Variants in ERICH1 observed in about 807,000 individuals in gnomAD.
ERICH1 encodes the protein glutamate-rich protein 1.
In ERICH1, 56 loss-of-function variants were observed where a neutral mutation model predicts 39.6. The observed-to-expected ratio is 1.41, with a 90% CI of 1.14 to 1.77. The LOEUF (loss-of-function observed/expected upper bound fraction) is 1.77. Ranked by LOEUF, ERICH1 falls within the 40% of genes most tolerant of loss-of-function variation. ERICH1 has a pLI of 0.00. For missense variants in ERICH1, 826 were observed against 575.4 expected (o/e 1.44, Z -4.45); for synonymous variants, 313 against 223.6 (o/e 1.40, Z -3.57).
At chr8:721,810 T>G (rs1211718912) in intron 1 of ERICH1, among the ~76,000 whole-genome samples, 1 of 152,230 alleles carries the variant, frequency 6.6e-6, no homozygotes, top group Non-Finnish European at 1.5e-5. Flanking sequence ...GCATTTGTCA[T>G]TTTTGGTTTG....
intron 3 of ERICH1, among the ~76,000 whole-genome samples, chr8:676,840 G>GC (rs1804959473): frequency 6.6e-6 from 1 of 152,230 alleles, no homozygotes; most frequent in South Asian, 2.1e-4. Context: ...AGCGCCTGTT[G>GC]GAGTTTTCTG....
intron 2 of ERICH1, among the ~76,000 whole-genome samples, chr8:710,142 T>C (rs1217190766): frequency 1.3e-5 from 2 of 152,176 alleles, no homozygotes; most frequent in Non-Finnish European, 1.5e-5. Context: ...GCCACCCCGG[T>C]CTGCAGTTTA....
intron 2 of ERICH1, among the ~76,000 whole-genome samples, chr8:700,710 A>C (rs1585464886): frequency 1.4e-5 from 1 of 70,972 alleles, no homozygotes; most frequent in East Asian, 2.5e-4. Context: ...AAAGGTGCTC[A>C]GCGGTGGGAG....
At chr8:710,139 C>T (rs774977705) in intron 2 of ERICH1, among the ~76,000 whole-genome samples, 1 of 152,200 alleles carries the variant, frequency 6.6e-6, no homozygotes, top group South Asian at 2.1e-4. Context: ...GTTGCCACCC[C>T]GGTCTGCAGT....
At chr8:653,594 T>C (rs1487948661) in intron 3 of ERICH1, among the ~76,000 whole-genome samples, 1 of 152,254 alleles carries the variant, frequency 6.6e-6, no homozygotes, top group African/African-American at 2.4e-5. Context: ...ATTCTGGCGC[T>C]GCCCGATTCA....
chr8:724,892 C>T (rs1315018901), intron 1 of ERICH1, among the ~76,000 whole-genome samples: 1 of 152,168 alleles, frequency 6.6e-6, no homozygotes. Flanking sequence ...ACCCACGCCG[C>T]CTGGCCCGGA....
At chr8:690,652 C>A (rs181240590) in intron 3 of ERICH1, among the ~76,000 whole-genome samples, 58 of 152,376 alleles carry the variant, frequency 3.8e-4, no homozygotes, top group African/African-American at 1.0e-3. Context: ...CCCTGGGCGG[C>A]CGATCCAAGT....
At chr8:692,333 A>G in intron 3 of ERICH1, 145 bp downstream of exon 3, 2 of 1,187,346 alleles carry the variant, frequency 1.7e-6, no homozygotes, top group Non-Finnish European at 1.2e-6. Context: ...ACAAAGGTAC[A>G]CCATGTGGTT....
intron 3 of ERICH1, among the ~76,000 whole-genome samples, chr8:627,992 A>C (rs140240554): frequency 6.6e-6 from 1 of 152,306 alleles, no homozygotes; most frequent in East Asian, 1.9e-4. Context: ...CTCCCAGCTC[A>C]AGGGGCAGCA....
At chr8:677,777 T>G (rs1805188730) in intron 3 of ERICH1, among the ~76,000 whole-genome samples, 1 of 152,148 alleles carries the variant, frequency 6.6e-6, no homozygotes, top group African/African-American at 2.4e-5. Context: ...ACATCGAGTG[T>G]TTTCCCACCC....
intron 2 of ERICH1, among the ~76,000 whole-genome samples, chr8:710,178 T>A (rs1057178175): frequency 6.6e-6 from 1 of 152,186 alleles, no homozygotes; most frequent in Non-Finnish European, 1.5e-5. Flanking sequence ...TCGTACATCC[T>A]GTGAGTTGAA....
chr8:638,546 G>A (rs187673436), intron 3 of ERICH1, among the ~76,000 whole-genome samples: 21 of 152,250 alleles, frequency 1.4e-4, no homozygotes, highest in Admixed American at 7.8e-4. Context: ...CGGAGGTGGC[G>A]TCCACTGAGC....
intron 3 of ERICH1, among the ~76,000 whole-genome samples, chr8:676,782 C>T (rs139339542): frequency 6.6e-6 from 1 of 152,352 alleles, no homozygotes; most frequent in East Asian, 1.9e-4. Flanking sequence ...TAAAGCTTGC[C>T]GCTGCACCAC....
chr8:630,973 C>G lies in ERICH1; in HGVS notation c.977-15689G>C, dbSNP rs149373728. Among the ~76,000 whole-genome samples, 106 of 149,962 alleles carry G rather than the reference C, an allele frequency of 7.1e-4. 2 individuals are homozygous for G. In the East Asian group the frequency reaches 0.019, roughly 26 times the overall value. ...CCCTCCTGTGAGCACCCCACATGGA[C>G]AGAGCTGACTCACAACCTCCTATGA... is the stretch of plus-strand genomic sequence containing the variant. On this transcript the variant is annotated intron_variant, in intron 3 of 3. Transcript: ENST00000522706.
intron 3 of ERICH1, among the ~76,000 whole-genome samples, chr8:636,185 T>C (rs1055002049): frequency 6.6e-6 from 1 of 152,178 alleles, no homozygotes; most frequent in Non-Finnish European, 1.5e-5. Flanking sequence ...TCCACTGCCC[T>C]GGGCCGAGCT....
chr8:717,082 G>A (rs993763010), intron 1 of ERICH1, among the ~76,000 whole-genome samples: 4 of 152,182 alleles, frequency 2.6e-5, no homozygotes, highest in Admixed American at 2.0e-4. Flanking sequence ...GTGAGGTGCA[G>A]TGTGGTCATG....
At chr8:649,803 C>T (rs1468455072) in intron 3 of ERICH1, among the ~76,000 whole-genome samples, 1 of 152,170 alleles carries the variant, frequency 6.6e-6, no homozygotes, top group Non-Finnish European at 1.5e-5. Context: ...ACAGGGCGGA[C>T]GGCGTATCAG....
chr8:728,041 C>A (rs865820469), intron 1 of ERICH1, among the ~76,000 whole-genome samples: 4 of 152,210 alleles, frequency 2.6e-5, no homozygotes, highest in African/African-American at 9.6e-5. Flanking sequence ...TGGGACGGGG[C>A]TCCCGCCTCC....
intron 1 of ERICH1, among the ~76,000 whole-genome samples, chr8:724,566 C>T (rs1342269537): frequency 1.3e-5 from 2 of 152,144 alleles, no homozygotes; most frequent in Admixed American, 6.5e-5. Context: ...TTCTCGGAGT[C>T]AGTTTCTCAC....
Sources: allele counts gnomAD v4.1 joint callset (sites outside exome capture counted in the v4.1 genomes callset), GRCh38; gene constraint gnomAD v4.1.1; transcripts MANE v1.5; gene names NCBI Gene and HGNC (gene_info 2026-07-23, HGNC 2026-07-21).